Variants in FAM81A observed in about 807,000 individuals in gnomAD.
FAM81A encodes the protein family with sequence similarity 81 member A.
In FAM81A, 19 loss-of-function variants were observed where a neutral mutation model predicts 46.7. That is an observed-to-expected ratio of 0.41 (90% confidence interval 0.28 to 0.60). The LOEUF (loss-of-function observed/expected upper bound fraction) is 0.60. FAM81A is among the 20% of genes least tolerant of loss of function. FAM81A has a pLI of 0.34. For missense variants in FAM81A, 377 were observed against 453.5 expected (o/e 0.83, Z 1.53); for synonymous variants, 183 against 152.9 (o/e 1.20, Z -1.45).
At chr15:59,476,188 A>G (rs1567060401) in intron 3 of FAM81A, among the ~76,000 whole-genome samples, 1 of 152,010 alleles carries the variant, frequency 6.6e-6, no homozygotes, top group South Asian at 2.1e-4. Context: ...CCCACCTCCT[A>G]ATACCATCAC....
At chr15:59,483,857 C>A (rs576302473) in intron 3 of FAM81A, among the ~76,000 whole-genome samples, 1 of 152,178 alleles carries the variant, frequency 6.6e-6, no homozygotes, top group Non-Finnish European at 1.5e-5. Context: ...CTCACTGCTT[C>A]GCACCCTATA....
chr15:59,502,590 T>C (rs1224896088), intron 4 of FAM81A, among the ~76,000 whole-genome samples: 1 of 151,504 alleles, frequency 6.6e-6, no homozygotes, highest in African/African-American at 2.4e-5. Flanking sequence ...CTCGGCTCAC[T>C]GCAATCTCTG....
At position 59,458,603 on chromosome 15, in the gene FAM81A, T is replaced by C. The variant is rs770946146; in HGVS notation, c.-24T>C. ...AACGGAGCACTGTATTTCCTTCTCG[T>C]GTCACCAAGGAAAGGTATAATATAT... On this transcript the variant is annotated 5_prime_UTR_variant, in exon 2 of 9. Transcript: ENST00000288228. 2.5e-6 allele frequency: 4 copies of C among 1,613,882 alleles called. No individual in the cohort carries two copies. The highest frequency in any genetic ancestry group is 3.4e-6 in the Non-Finnish European group (4 of 1,179,860).
chr15:59,430,254 C>CG (rs2081213762), intron 2 of FAM81A, among the ~76,000 whole-genome samples: 2 of 87,458 alleles, frequency 2.3e-5, no homozygotes, highest in Admixed American at 1.4e-4. Context: ...ACCTATTTCC[C>CG]TTTTTTTTTT....
At chr15:59,433,702 C>T (rs190831081), upstream of FAM81A, among the ~76,000 whole-genome samples, 12 of 152,176 alleles carry the variant, frequency 7.9e-5, no homozygotes, top group Non-Finnish European at 1.6e-4. Flanking sequence ...ACAAAGAAAC[C>T]GATAAAGAAC....
intron 2 of FAM81A, among the ~76,000 whole-genome samples, chr15:59,413,492 C>T (rs1021758740): frequency 2.0e-5 from 3 of 151,508 alleles, no homozygotes; most frequent in African/African-American, 7.3e-5. Flanking sequence ...ACCCTGTGAA[C>T]TGAGGAATTA....
intron 1 of FAM81A, among the ~76,000 whole-genome samples, chr15:59,454,477 T>G (rs1240178292): frequency 6.6e-6 from 1 of 152,228 alleles, no homozygotes; most frequent in Non-Finnish European, 1.5e-5. Flanking sequence ...CATCTCTATG[T>G]ATATCTACTT....
chr15:59,439,040 A>G (rs1348807059), intron 1 of FAM81A: 1 of 152,148 alleles, frequency 6.6e-6, no homozygotes, highest in African/African-American at 2.4e-5. Context: ...TCAAAACCCA[A>G]TCGTGGCAGG....
intron 1 of FAM81A, among the ~76,000 whole-genome samples, chr15:59,456,620 G>A (rs1335381176): frequency 6.6e-6 from 1 of 152,088 alleles, no homozygotes; most frequent in Non-Finnish European, 1.5e-5. Flanking sequence ...CTATTGCCCA[G>A]GCTGGAGTGC....
chr15:59,518,283 A>G (rs1159519605), intron 8 of FAM81A, among the ~76,000 whole-genome samples: 1 of 151,500 alleles, frequency 6.6e-6, no homozygotes, highest in Non-Finnish European at 1.5e-5. Flanking sequence ...TAGCCTCATG[A>G]TGCCTTTTTA....
At chr15:59,496,708 C>T (rs748677758) in intron 4 of FAM81A, among the ~76,000 whole-genome samples, 4 of 152,122 alleles carry the variant, frequency 2.6e-5, no homozygotes, top group Non-Finnish European at 5.9e-5. Context: ...ATGCTGGTAC[C>T]ACACTGTCTT....
chr15:59,514,888 C>G (rs1257157171), intron 7 of FAM81A, among the ~76,000 whole-genome samples: 11 of 152,142 alleles, frequency 7.2e-5, no homozygotes, highest in African/African-American at 2.7e-4. Flanking sequence ...TCCCCATTTT[C>G]CTTCTCCTTC....
intron 1 of FAM81A, among the ~76,000 whole-genome samples, chr15:59,456,939 C>T (rs1271559275): frequency 2.6e-5 from 4 of 152,126 alleles, no homozygotes; most frequent in African/African-American, 7.2e-5. Flanking sequence ...TTAGTTTTTC[C>T]TAGTTAGGTT....
At chr15:59,463,824 G>C (rs566425815) in intron 3 of FAM81A, among the ~76,000 whole-genome samples, 1 of 151,550 alleles carries the variant, frequency 6.6e-6, no homozygotes, top group African/African-American at 2.4e-5. Flanking sequence ...TTTTGTTTTT[G>C]TTATTAATTT....
intron 4 of FAM81A, among the ~76,000 whole-genome samples, chr15:59,499,840 CTA>C (rs1197256292): frequency 6.7e-6 from 1 of 150,358 alleles, no homozygotes; most frequent in East Asian, 1.9e-4. Flanking sequence ...TCAAATATTT[CTA>C]TGTCTTTTTC....
At position 59,460,212 on chromosome 15, in the gene FAM81A, GT is replaced by G; in HGVS notation, c.294+9del. ...AACTTAATCGGGATATCGAGGTAAG[GT>G]TTGTGAAAGTCAGGTGGCCTATGTC... On this transcript the variant is annotated splice_region_variant and intron_variant, in intron 3 of 8. Transcript: ENST00000288228. This position sits in a 1 kb window ranked among gnomAD's most constrained non-coding sequence, Gnocchi z 4.4. The G allele has an allele frequency of 6.2e-7, 1 of 1,614,024 alleles. No individual in the cohort carries two copies. The highest frequency in any genetic ancestry group is 8.5e-7 in the Non-Finnish European group (1 of 1,179,894).
At position 59,460,134 on chromosome 15, in the gene FAM81A, G is replaced by A. The variant is rs2081533937; in HGVS notation, c.222G>A (p.Leu74=). ...AAAACAAAGGGGGAGGTGACCGCTT[G>A]GCCAGGCTTTTCTTGGAGGAGCATA... The part of the protein sequence containing the change: ...KMQNKGGGDR[L]ARLFLEEHIR... The change falls in exon 3 of 9, where the codon TTG becomes TTA. Residue 74 remains leucine (L), a synonymous_variant. Coordinates refer to ENST00000288228, the MANE Select transcript of FAM81A (RefSeq NM_152450.3). This position sits in a 1 kb window ranked among gnomAD's most constrained non-coding sequence, Gnocchi z 4.4. 1.2e-6 allele frequency: 2 copies of A among 1,613,866 alleles called. No homozygotes were observed. Among genetic ancestry groups the A allele is most frequent in the Non-Finnish European group, 1.7e-6 (2 of 1,179,896 alleles).
chr15:59,496,255 T>A (rs1291839975), intron 4 of FAM81A, among the ~76,000 whole-genome samples: 1 of 152,242 alleles, frequency 6.6e-6, no homozygotes, highest in Non-Finnish European at 1.5e-5. Flanking sequence ...TATCCCAGCA[T>A]AATTTGTTGA....
intron 2 of FAM81A, among the ~76,000 whole-genome samples, chr15:59,432,018 CT>C (rs1365916222): frequency 6.6e-6 from 1 of 152,156 alleles, no homozygotes; most frequent in East Asian, 1.9e-4. Context: ...TTAAAAACAA[CT>C]GCATAATATT....
Sources: allele counts gnomAD v4.1 joint callset (sites outside exome capture counted in the v4.1 genomes callset), GRCh38; gene constraint gnomAD v4.1.1; non-coding constraint Gnocchi (gnomAD v3.1); transcripts MANE v1.5; gene names NCBI Gene and HGNC (gene_info 2026-07-23, HGNC 2026-07-21).